The following CDK5RAP2 variants were observed in gnomAD, a reference collection of about 807,000 sequenced individuals.
CDK5RAP2 encodes CDK5 regulatory subunit associated protein 2, also known as CDK5 regulatory subunit-associated protein 2.
A neutral mutation model predicts 232.9 loss-of-function variants in CDK5RAP2; 147 were observed. The ratio of observed to expected loss-of-function variants is 0.63; its 90% CI spans 0.55 to 0.72. The LOEUF (loss-of-function observed/expected upper bound fraction) is 0.72. Ranked by LOEUF, CDK5RAP2 falls within the 30% of genes least tolerant of loss-of-function variation. The pLI is 0.00. For missense variants in CDK5RAP2, 2,195 were observed against 2,231.5 expected (o/e 0.98, Z 0.33); for synonymous variants, 833 against 833.7 (o/e 1.00, Z 0.01).
intron 12 of CDK5RAP2, among the ~76,000 whole-genome samples, chr9:120,499,383 C>A (rs923707553): frequency 2.0e-5 from 3 of 151,712 alleles, no homozygotes; most frequent in Non-Finnish European, 2.9e-5. Context: ...CCATAATGAG[C>A]AGGGGTTTTT....
intron 8 of CDK5RAP2, among the ~76,000 whole-genome samples, chr9:120,529,540 C>T (rs1040435938): frequency 3.3e-5 from 5 of 152,240 alleles, no homozygotes; most frequent in African/African-American, 9.6e-5. Context: ...TACTGAACCC[C>T]TCCCATACTG....
chr9:120,571,415 T>C (rs1326063591), intron 2 of CDK5RAP2, among the ~76,000 whole-genome samples: 3 of 152,130 alleles, frequency 2.0e-5, no homozygotes, highest in Non-Finnish European at 4.4e-5. Context: ...TTTTCAGAAA[T>C]AAAAATTATG....
In CDK5RAP2 at chr9:120,458,505, T is replaced by C; in HGVS notation, c.2320A>G (p.Ile774Val). 1.2e-6 allele frequency: 2 copies of C among 1,614,204 alleles called. No individual in the cohort carries two copies. The highest frequency in any genetic ancestry group is 1.7e-6 in the Non-Finnish European group (2 of 1,180,020). Residue 774 changes from isoleucine (I) to valine (V), a missense_variant, in exon 20 of 38, where the codon ATA (isoleucine) becomes GTA (valine). Coordinates refer to ENST00000349780, the MANE Select transcript of CDK5RAP2 (RefSeq NM_018249.6). ...TTGAACAAAGGGGCAAGCAGGTTTA[T>C]GAATGCACCTTCTTCTAGGCAGCCA... ...APGCLEEGAFINLLAPLFNEK... is the reference protein window; with the variant it reads ...APGCLEEGAFVNLLAPLFNEK...
chr9:120,473,141 G>A (rs748699709), intron 15 of CDK5RAP2, among the ~76,000 whole-genome samples: 15 of 152,204 alleles, frequency 9.9e-5, no homozygotes, highest in Non-Finnish European at 2.1e-4. Flanking sequence ...AGCCTTGTTT[G>A]ACATCCAGGT....
chr9:120,396,773 T>C (rs938101637), intron 35 of CDK5RAP2, among the ~76,000 whole-genome samples: 2 of 152,236 alleles, frequency 1.3e-5, no homozygotes, highest in African/African-American at 4.8e-5. Flanking sequence ...ATATATTCTA[T>C]CCAGTACTTA....
chr9:120,402,303 A>T (rs1276632064), intron 34 of CDK5RAP2, among the ~76,000 whole-genome samples: 1 of 152,054 alleles, frequency 6.6e-6, no homozygotes. Flanking sequence ...GTCTCAAAAT[A>T]AAAAAAACAC....
intron 18 of CDK5RAP2, among the ~76,000 whole-genome samples, chr9:120,461,722 GTCCCAGCTAC>G (rs569984655): frequency 7.4e-4 from 112 of 152,224 alleles, no homozygotes; most frequent in African/African-American, 2.6e-3. Context: ...CATGCCTGTA[GTCCCAGCTAC>G]TCGGGAGACT....
chr9:120,493,790 G>A (rs572776773), intron 12 of CDK5RAP2, among the ~76,000 whole-genome samples: 1 of 152,272 alleles, frequency 6.6e-6, no homozygotes, highest in South Asian at 2.1e-4. Flanking sequence ...AAAAAGGAGG[G>A]AGAACCTGCT....
At chr9:120,491,608 T>C in intron 12 of CDK5RAP2, 131 bp from the exon 13 acceptor site, 1 of 618,132 alleles carries the variant, frequency 1.6e-6, no homozygotes, top group Non-Finnish European at 2.8e-6. Flanking sequence ...CAAGTGTATA[T>C]TTAAATCCTT....
chr9:120,503,246 G>A (rs1019934835), intron 12 of CDK5RAP2, among the ~76,000 whole-genome samples: 1 of 152,202 alleles, frequency 6.6e-6, no homozygotes, highest in African/African-American at 2.4e-5. Flanking sequence ...TCTCTAGCCT[G>A]AGACTGAGGC....
rs527773975 is a variant in CDK5RAP2, at chr9:120,459,603, C to T, written c.2202+969G>A. 2.6e-5 allele frequency among the ~76,000 whole-genome samples: 4 copies of T among 152,122 alleles called. No individual in the cohort carries two copies. The South Asian group carries it at 8.3e-4, about 32-fold the overall frequency. ...ATAAAAATAATTATTATTTACTGAG[C>T]ACTTATTACATGCCTTTCTATTTAA... On this transcript the variant is annotated intron_variant, in intron 19 of 37. Coordinates refer to ENST00000349780, the MANE Select transcript of CDK5RAP2 (RefSeq NM_018249.6).
Position 120,404,092 on chromosome 9 carries a change from T to G in CDK5RAP2, c.4985A>C (p.Glu1662Ala), listed in dbSNP as rs766870044. Residue 1662 changes from glutamate (E) to alanine (A), a missense_variant, in exon 33 of 38, where the codon GAA becomes GCA. By Grantham distance (107) the Glu-to-Ala change is moderately radical. Transcript: ENST00000349780. ...DKHDGDKYPM[E>A]SDNSFDLFDS... ...AAACAGATCAAATGAATTATCACTT[T>G]CCATGGGATATTTGTCACCATCTAC... 17 of 1,612,826 alleles carry G rather than the reference T, an allele frequency of 1.1e-5. No individual in the cohort carries two copies. The East Asian group carries it at 2.9e-4, about 27-fold the overall frequency.
chr9:120,416,255 G>GCCC (rs1381992737), intron 27 of CDK5RAP2, among the ~76,000 whole-genome samples: 1 of 152,180 alleles, frequency 6.6e-6, no homozygotes, highest in African/African-American at 2.4e-5. Context: ...CCAATCGCAA[G>GCCC]CCCCCAGTTG....
chr9:120,533,871 A>C (rs2041271140), intron 7 of CDK5RAP2, among the ~76,000 whole-genome samples: 1 of 150,532 alleles, frequency 6.6e-6, no homozygotes, highest in Non-Finnish European at 1.5e-5. Flanking sequence ...TATCCCCCAG[A>C]TCCAGTCAGT....
Position 120,510,347 on chromosome 9 carries a change from C to T in CDK5RAP2, c.1311+8080G>A, listed in dbSNP as rs115962742. The stretch of plus-strand genomic sequence containing the variant: ...CTGAAGCACACACTTGTCAGGGTAG[C>T]GGATGACGGGTCTCATAACAGATGA... On this transcript the variant is annotated intron_variant, in intron 12 of 37. Coordinates refer to ENST00000349780, the MANE Select transcript of CDK5RAP2 (RefSeq NM_018249.6). Among the ~76,000 whole-genome samples the T allele has an allele frequency of 2.6e-3, 403 of 152,230 alleles. 2 individuals carry two copies. Among genetic ancestry groups the T allele is most frequent in the African/African-American group, 8.7e-3 (362 of 41,542 alleles).
At chr9:120,550,587 TGAAA>T (rs1381991033) in intron 4 of CDK5RAP2, among the ~76,000 whole-genome samples, 1 of 152,210 alleles carries the variant, frequency 6.6e-6, no homozygotes, top group African/African-American at 2.4e-5. Context: ...TAAAAGACAG[TGAAA>T]GACTTTCTTA....
chr9:120,556,106 T>G (rs2042218813), intron 3 of CDK5RAP2, among the ~76,000 whole-genome samples: 1 of 152,200 alleles, frequency 6.6e-6, no homozygotes, highest in East Asian at 1.9e-4. Flanking sequence ...TATATTCTGA[T>G]TGTGGTGATC....
chr9:120,393,277 T>C (rs2032159777), intron 36 of CDK5RAP2, among the ~76,000 whole-genome samples: 1 of 152,178 alleles, frequency 6.6e-6, no homozygotes, highest in African/African-American at 2.4e-5. Context: ...TGGCAAAGAC[T>C]GTCTCGTTCA....
chr9:120,408,333 A>G lies in CDK5RAP2; in HGVS notation c.4726+14T>C. 1.2e-6 allele frequency: 2 copies of G among 1,613,766 alleles called. No individual in the cohort carries two copies. On this transcript the variant is annotated intron_variant, in intron 31 of 37. Transcript: ENST00000349780. ...CAAAGCACAGTAGCCTCAAGGTGAG[A>G]AGGGCCTCAGTACCTCTCAGTCTCC...
Sources: gnomAD v4.1 joint callset for allele counts (sites outside exome capture counted in the v4.1 genomes callset) on GRCh38, gnomAD v4.1.1 for gene constraint, MANE v1.5 for transcripts, NCBI Gene and HGNC (gene_info 2026-07-23, HGNC 2026-07-21) for gene names.